RPS6KA2: variants seen among roughly 807,000 people sequenced by gnomAD.
RPS6KA2 encodes the protein ribosomal protein S6 kinase alpha-2.
A neutral mutation model predicts 91.8 loss-of-function variants in RPS6KA2; 42 were observed. The ratio of observed to expected loss-of-function variants is 0.46; its 90% CI spans 0.36 to 0.59. RPS6KA2 has a LOEUF of 0.59. Among genes scored for constraint, RPS6KA2 ranks in the 20% least tolerant of loss-of-function variants. The pLI, the probability that RPS6KA2 is intolerant of heterozygous loss-of-function variation, is 0.00. For missense variants in RPS6KA2, 798 were observed against 978.5 expected, an observed-to-expected ratio of 0.82 and a Z score of 2.46; for synonymous variants, 414 against 393.6, an observed-to-expected ratio of 1.05 and a Z score of -0.61.
At chr6:166,492,002 T>C (rs1024037719) in intron 8 of RPS6KA2, among the ~76,000 whole-genome samples, 3 of 152,218 alleles carry the variant, frequency 2.0e-5, no homozygotes, top group African/African-American at 7.2e-5. Context: ...ACATTTCCAA[T>C]TTTCTGCTAT....
At chr6:166,725,811 G>C (rs550161916) in intron 2 of RPS6KA2, among the ~76,000 whole-genome samples, 1 of 152,380 alleles carries the variant, frequency 6.6e-6, no homozygotes, top group East Asian at 1.9e-4. Flanking sequence ...CTCCAGGTAT[G>C]CCGGGCAGGG....
intron 2 of RPS6KA2, among the ~76,000 whole-genome samples, chr6:166,836,677 A>T (rs2128628254): frequency 6.6e-6 from 1 of 152,178 alleles, no homozygotes; most frequent in African/African-American, 2.4e-5. Flanking sequence ...CATCATATTT[A>T]TTATAGTTAC....
intron 1 of RPS6KA2, among the ~76,000 whole-genome samples, chr6:166,550,813 T>A (rs182789551): frequency 2.6e-5 from 4 of 151,894 alleles, no homozygotes; most frequent in Non-Finnish European, 5.9e-5. Flanking sequence ...CCATCCTGGC[T>A]AACACGGTGA....
intron 2 of RPS6KA2, among the ~76,000 whole-genome samples, chr6:166,783,879 C>A (rs78650297): frequency 0.016 from 1,077 of 65,754 alleles, 129 homozygotes; most frequent in African/African-American, 0.087. Context: ...ACCTACGCAT[C>A]ACCACATATG....
chr6:166,659,107 CAACT>C (rs1788084816), intron 2 of RPS6KA2, among the ~76,000 whole-genome samples: 1 of 151,980 alleles, frequency 6.6e-6, no homozygotes, highest in Non-Finnish European at 1.5e-5. Context: ...ACAGAGTCAC[CAACT>C]GACTGTGCAA....
At chr6:166,826,271 T>C (rs1021499369) in intron 2 of RPS6KA2, among the ~76,000 whole-genome samples, 1 of 152,244 alleles carries the variant, frequency 6.6e-6, no homozygotes, top group African/African-American at 2.4e-5. Context: ...TCTGAGAAAG[T>C]GGAAAAGTAG....
At position 166,500,951 on chromosome 6, in the gene RPS6KA2, G is replaced by A. The variant is rs77755257; in HGVS notation, c.567-27C>T. 3,144 of 1,610,404 alleles carry A rather than the reference G, an allele frequency of 2.0e-3. 60 individuals are homozygous for A. The African/African-American group carries it at 0.037, about 19-fold the overall frequency. ...TAAAAGAAAGGGAGAGAAAACAGATGCTTTAGAAAGAGACCCAGCCTGCCG... is the reference window on the plus strand; with the variant it reads ...TAAAAGAAAGGGAGAGAAAACAGATACTTTAGAAAGAGACCCAGCCTGCCG... On this transcript the variant is annotated intron_variant, in intron 6 of 20. Transcript: ENST00000265678. This position sits in a 1 kb window ranked among gnomAD's most constrained non-coding sequence, Gnocchi z 4.3.
intron 2 of RPS6KA2, among the ~76,000 whole-genome samples, chr6:166,810,817 T>C (rs1393483054): frequency 6.6e-6 from 1 of 152,220 alleles, no homozygotes; most frequent in Non-Finnish European, 1.5e-5. Context: ...GCTCAGGGAA[T>C]AAGCTGCCTC....
At chr6:166,862,345 G>C in exon 1 of RPS6KA2, 1 of 1,451,770 alleles carries the variant, frequency 6.9e-7, no homozygotes, top group Non-Finnish European at 9.1e-7. Flanking sequence ...GGTCGTGAGC[G>C]CGGGGCCTGC....
intron 1 of RPS6KA2, among the ~76,000 whole-genome samples, chr6:166,599,077 G>C (rs1322284549): frequency 2.0e-5 from 3 of 152,234 alleles, no homozygotes; most frequent in Admixed American, 1.3e-4. Context: ...AAAGAATCCA[G>C]AGCAGGAGTC....
chr6:166,462,610 C>T (rs1486580363), intron 11 of RPS6KA2, among the ~76,000 whole-genome samples: 1 of 152,232 alleles, frequency 6.6e-6, no homozygotes, highest in African/African-American at 2.4e-5. Context: ...TGTGCTCTGC[C>T]CCATCTGTGC....
chr6:166,501,455 G>A (rs575872650), intron 6 of RPS6KA2, among the ~76,000 whole-genome samples: 7 of 152,216 alleles, frequency 4.6e-5, no homozygotes, highest in Non-Finnish European at 7.3e-5. Flanking sequence ...GAGGAGCTTC[G>A]GGCTTCAGCA....
At chr6:166,562,145 C>A (rs1784363712) in intron 1 of RPS6KA2, among the ~76,000 whole-genome samples, 1 of 152,140 alleles carries the variant, frequency 6.6e-6, no homozygotes, top group South Asian at 2.1e-4. Flanking sequence ...ACAGGACACG[C>A]AGCTTGAGGC....
At position 166,418,308 on chromosome 6, in the gene RPS6KA2, G is replaced by A; in HGVS notation, c.1855C>T (p.Pro619Ser). The change falls in exon 19 of 21, where the codon CCT becomes TCT. Residue 619 changes from proline (P) to serine (S), a missense_variant. Pro to Ser is a moderately conservative substitution (Grantham distance 74). Coordinates refer to ENST00000265678, the MANE Select transcript of RPS6KA2 (RefSeq NM_021135.6). The surrounding 1 kb of genome is among the most constrained non-coding windows in gnomAD (Gnocchi z 4.9). Reference sequence around the variant, plus strand: ...CCGATCCGCGCCAGAATCTCCTCAGGGGTATCGTCTGGCCCATTTGCAAAA... The same window carrying A: ...CCGATCCGCGCCAGAATCTCCTCAGAGGTATCGTCTGGCCCATTTGCAAAA... ...TPFANGPDDT[P>S]EEILARIGSG... is the part of the protein sequence containing the mutation. 6.2e-7 allele frequency: 1 copy of A among 1,613,888 alleles called. No individual in the cohort carries two copies. Among genetic ancestry groups the A allele is most frequent in the Non-Finnish European group, 8.5e-7 (1 of 1,179,954 alleles).
chr6:166,409,505 A>C lies in RPS6KA2; in HGVS notation c.*3257T>G, dbSNP rs1319176902. ...ATGAATTACAAAGCAGGAACATAAA[A>C]ATGATGTGTAAACATAACTGCTGAG... On this transcript the variant is annotated 3_prime_UTR_variant, in exon 21 of 21. Transcript: ENST00000265678. The C allele has an allele frequency of 3.9e-5, 6 of 152,486 alleles. No individual in the cohort carries two copies. The highest frequency in any genetic ancestry group is 3.9e-4 in the Admixed American group (6 of 15,286). 9.4% of individuals were successfully genotyped at this position (152,486 alleles called of 1,614,324 possible). A position where few individuals can be genotyped will look rare whatever the true frequency, so the allele number is the denominator to read the frequency against.
rs1029393087 is a variant in RPS6KA2, at chr6:166,807,467, G to A, written c.123+50733C>T. 5.9e-5 allele frequency among the ~76,000 whole-genome samples: 9 copies of A among 152,188 alleles called. No homozygotes were observed. The East Asian group carries it at 9.7e-4, about 16-fold the overall frequency. On this transcript the variant is annotated intron_variant, in intron 2 of 21. Coordinates refer to the RPS6KA2 transcript ENST00000503859. ...GGCGTGGAGGGTTGCAGGTCTCCCC[G>A]CTTCTGCCCTGCTCCCTCTCCATCT...
intron 2 of RPS6KA2, among the ~76,000 whole-genome samples, chr6:166,740,030 C>T (rs940506134): frequency 2.6e-4 from 40 of 152,220 alleles, no homozygotes; most frequent in African/African-American, 9.2e-4. Flanking sequence ...GTGCTATGCA[C>T]ACACACCAGT....
intron 2 of RPS6KA2, among the ~76,000 whole-genome samples, chr6:166,734,168 G>A (rs183312372): frequency 1.2e-3 from 176 of 152,330 alleles, no homozygotes; most frequent in Non-Finnish European, 2.1e-3. Context: ...CAAGGGGGCC[G>A]AGGGCTCCTG....
intron 2 of RPS6KA2, among the ~76,000 whole-genome samples, chr6:166,791,964 C>A (rs1248391217): frequency 2.0e-5 from 3 of 151,650 alleles, no homozygotes; most frequent in Non-Finnish European, 2.9e-5. Context: ...ACTAGAGAAG[C>A]AAGAGCAAAC....
Sources: allele counts gnomAD v4.1 joint callset (sites outside exome capture counted in the v4.1 genomes callset), GRCh38; gene constraint gnomAD v4.1.1; non-coding constraint Gnocchi (gnomAD v3.1); transcripts MANE v1.5; gene names NCBI Gene and HGNC (gene_info 2026-07-23, HGNC 2026-07-21).